ZDHHC11: variants seen among roughly 807,000 people sequenced by gnomAD.
ZDHHC11 encodes the protein palmitoyltransferase ZDHHC11.
Under a neutral mutation model 51.3 loss-of-function variants are expected in ZDHHC11, and 44 were observed. The observed-to-expected ratio is 0.86, with a 90% CI of 0.67 to 1.10. The LOEUF (loss-of-function observed/expected upper bound fraction) is 1.10. Among genes scored for constraint, ZDHHC11 ranks in the 50% least tolerant of loss-of-function variants. The pLI, the probability that ZDHHC11 is intolerant of heterozygous loss-of-function variation, is 0.00. For synonymous variants in ZDHHC11, 163 were observed against 222.0 expected, an observed-to-expected ratio of 0.73 and a Z score of 2.36; for missense variants, 400 against 537.7, an observed-to-expected ratio of 0.74 and a Z score of 2.53.
intron 10 of ZDHHC11, chr5:816,598 C>T (rs1002662216): frequency 1.6e-6 from 1 of 628,496 alleles, no homozygotes; most frequent in Non-Finnish European, 3.1e-6. Context: ...GTCACCTCAC[C>T]ATCTGTACAA....
upstream of ZDHHC11, among the ~76,000 whole-genome samples, chr5:858,990 G>T (rs1236968097): frequency 6.6e-6 from 1 of 152,080 alleles, no homozygotes; most frequent in Non-Finnish European, 1.5e-5. Flanking sequence ...TGGGTGGGCT[G>T]CCCTGGTCGA....
At chr5:820,229 ATAGT>A (rs1741391708) in intron 9 of ZDHHC11, among the ~76,000 whole-genome samples, 1 of 150,964 alleles carries the variant, frequency 6.6e-6, no homozygotes, top group East Asian at 1.9e-4. Flanking sequence ...TAGTTACATG[ATAGT>A]TTGAAGTGAT....
chr5:828,387 C>A (rs528118433), intron 7 of ZDHHC11, among the ~76,000 whole-genome samples: 1 of 148,608 alleles, frequency 6.7e-6, no homozygotes, highest in Non-Finnish European at 1.5e-5. Flanking sequence ...CCCTCCTGGA[C>A]GGGGCGGCTG....
chr5:843,980 GGACA>G (rs1745640040), intron 3 of ZDHHC11, among the ~76,000 whole-genome samples: 4 of 117,296 alleles, frequency 3.4e-5, no homozygotes, highest in African/African-American at 1.4e-4. Flanking sequence ...GCAGGGGCAG[GGACA>G]CGCAGGGCAT....
intron 11 of ZDHHC11, among the ~76,000 whole-genome samples, chr5:813,236 G>A (rs1335288351): frequency 2.8e-5 from 4 of 142,210 alleles, no homozygotes; most frequent in Non-Finnish European, 6.0e-5. Context: ...GCTGAGGTGG[G>A]TGGATTGCAA....
At chr5:844,396 G>C (rs1216349843) in intron 3 of ZDHHC11, among the ~76,000 whole-genome samples, 3 of 152,292 alleles carry the variant, frequency 2.0e-5, no homozygotes, top group Non-Finnish European at 4.4e-5. Context: ...GATGCGGTGC[G>C]ACTCGCCCAA....
At position 837,347 on chromosome 5, in the gene ZDHHC11, C is replaced by G. The variant is rs766028175; in HGVS notation, c.900+18G>C. The stretch of plus-strand genomic sequence containing the variant: ...TTGTCCCAGGCCTGGAGAAATGGAG[C>G]AGAGAGACAGGTGGTACCTGGAGAA... On this transcript the variant is annotated intron_variant, in intron 6 of 12. Transcript: ENST00000283441. The G allele has an allele frequency of 6.2e-7, 1 of 1,613,630 alleles. No individual in the cohort carries two copies. Among genetic ancestry groups the G allele is most frequent in the Non-Finnish European group, 8.5e-7 (1 of 1,179,562 alleles).
Position 801,138 on chromosome 5 carries a change from A to G in ZDHHC11, c.1208T>C (p.Met403Thr), listed in dbSNP as rs1359529730. 1.9e-6 allele frequency: 3 copies of G among 1,610,958 alleles called. No individual in the cohort carries two copies. The highest frequency in any genetic ancestry group is 1.1e-5 in the South Asian group (1 of 90,952). ...LGLQQETTEP[M>T]KTDSAESED ...TTCACTTTCAGCACTGTCAGTTTTC[A>G]TGGGCTCTGTTGTTTCTTGTTGCAG... is the stretch of plus-strand genomic sequence containing the variant. Residue 403 changes from methionine to threonine, a missense_variant, in exon 12 of 13, where the codon ATG (methionine) becomes ACG (threonine). Physicochemically the swap from Met to Thr is moderately conservative, Grantham distance 81 (BLOSUM62 -1). Around this residue, in one of 5 missense-constraint regions of ZDHHC11, gnomAD observed 231 missense variants for 227.4 expected, o/e 1.02. Coordinates refer to ENST00000283441, the MANE Select transcript of ZDHHC11 (RefSeq NM_024786.3).
chr5:827,882 A>T (rs1249035428), intron 7 of ZDHHC11, among the ~76,000 whole-genome samples: 11 of 151,236 alleles, frequency 7.3e-5, no homozygotes, highest in East Asian at 3.9e-4. Context: ...CAGAGGACCC[A>T]GCGGCCTTCC....
chr5:809,021 T>A lies in ZDHHC11; in HGVS notation c.1181+5740A>T, dbSNP rs1414324199. On this transcript the variant is annotated intron_variant, in intron 11 of 12. Transcript: ENST00000283441. ...CACACACACACACACACACGCACAC[T>A]ATTTATTCCCCACCTGTCTCCTATA... 2.6e-3 allele frequency among the ~76,000 whole-genome samples: 258 copies of A among 98,456 alleles called. 1 individual carries two copies. The highest frequency in any genetic ancestry group is 0.014 in the African/African-American group (248 of 17,156). 64.6% of individuals were successfully genotyped at this position (98,456 alleles called of 152,430 possible).
intron 3 of ZDHHC11, among the ~76,000 whole-genome samples, chr5:844,364 G>A (rs1463770890): frequency 6.6e-5 from 10 of 152,396 alleles, no homozygotes; most frequent in African/African-American, 1.9e-4. Flanking sequence ...CCCTTTTCAC[G>A]AGTGGGGAAA....
chr5:815,866 C>T (rs779549491), intron 10 of ZDHHC11, among the ~76,000 whole-genome samples: 2 of 151,574 alleles, frequency 1.3e-5, no homozygotes, highest in Non-Finnish European at 3.0e-5. Flanking sequence ...TCCTTGGACT[C>T]CCAAAGTGCT....
intron 9 of ZDHHC11, among the ~76,000 whole-genome samples, chr5:820,848 T>C (rs1220593954): frequency 6.6e-6 from 1 of 151,424 alleles, no homozygotes; most frequent in Admixed American, 6.6e-5. Flanking sequence ...TATTAAAATA[T>C]AGTAGCTAAA....
At chr5:805,847 G>A (rs1561232447) in intron 11 of ZDHHC11, among the ~76,000 whole-genome samples, 4 of 151,204 alleles carry the variant, frequency 2.6e-5, no homozygotes, top group African/African-American at 4.9e-5. Context: ...AGAAGCTCCC[G>A]GGCCCTGAGA....
At chr5:813,775 C>T (rs1287138572) in intron 11 of ZDHHC11, among the ~76,000 whole-genome samples, 1 of 146,464 alleles carries the variant, frequency 6.8e-6, no homozygotes. Flanking sequence ...CTGGGACTCC[C>T]TGCAGTGATG....
At chr5:807,785 G>A (rs574636010) in intron 11 of ZDHHC11, among the ~76,000 whole-genome samples, 1 of 151,832 alleles carries the variant, frequency 6.6e-6, no homozygotes, top group African/African-American at 2.4e-5. Flanking sequence ...CTCCACACTG[G>A]CCCAGAAACG....
In ZDHHC11 at chr5:827,401, A is replaced by G; in HGVS notation, c.936-2150T>C. Among the ~76,000 whole-genome samples the G allele has an allele frequency of 1.3e-5, 2 of 151,322 alleles. 1 individual carries two copies. Among genetic ancestry groups the G allele is most frequent in the Non-Finnish European group, 3.0e-5 (2 of 67,790 alleles). The stretch of plus-strand genomic sequence containing the variant: ...CATCCAAATGCTAACACTGAATGTA[A>G]ATGGCCTATAAGCACCTTCTAAAAA... On this transcript the variant is annotated intron_variant, in intron 7 of 12. Transcript: ENST00000283441.
chr5:841,958 A>T, intron 4 of ZDHHC11: 2 of 989,714 alleles, frequency 2.0e-6, no homozygotes, highest in Non-Finnish European at 2.4e-6. Context: ...ACAGGACCGC[A>T]GCTCCATGTG....
intron 9 of ZDHHC11, chr5:821,148 T>G (rs1003182006): frequency 1.3e-5 from 2 of 151,506 alleles, no homozygotes; most frequent in African/African-American, 4.8e-5. Flanking sequence ...TTTACCCTCC[T>G]CCAGCCCCTT....
Sources: gnomAD v4.1 joint callset for allele counts (sites outside exome capture counted in the v4.1 genomes callset) on GRCh38, gnomAD v4.1.1 for gene constraint, gnomAD v4.1.1 regional missense constraint, MANE v1.5 for transcripts, NCBI Gene and HGNC (gene_info 2026-07-23, HGNC 2026-07-21) for gene names.